Variants in RELCH observed in about 807,000 individuals in gnomAD.
RELCH encodes the protein RAB11-binding protein RELCH.
Under a neutral mutation model 150.3 loss-of-function variants are expected in RELCH, and 41 were observed. The ratio of observed to expected loss-of-function variants is 0.27; its 90% CI spans 0.21 to 0.35. The LOEUF is 0.35. RELCH is among the 10% of genes least tolerant of loss of function. The pLI, the probability that RELCH is intolerant of heterozygous loss-of-function variation, is 1.00. For synonymous variants in RELCH, 478 were observed against 531.8 expected, an observed-to-expected ratio of 0.90 and a Z score of 1.39; for missense variants, 1,092 against 1,467.8, an observed-to-expected ratio of 0.74 and a Z score of 4.18.
At chr18:62,217,704 G>C (rs1222672963) in intron 2 of RELCH, among the ~76,000 whole-genome samples, 2 of 152,008 alleles carry the variant, frequency 1.3e-5, no homozygotes, top group African/African-American at 4.8e-5. Context: ...CAGAGTACTT[G>C]TGAAACTTAA....
chr18:62,224,954 G>T (rs532561438), intron 5 of RELCH, among the ~76,000 whole-genome samples: 1 of 151,978 alleles, frequency 6.6e-6, no homozygotes, highest in Admixed American at 6.6e-5. Flanking sequence ...AAACTACCTG[G>T]CTTCAAGTCT....
chr18:62,283,326 G>A (rs1487458827), intron 25 of RELCH, among the ~76,000 whole-genome samples: 2 of 152,058 alleles, frequency 1.3e-5, no homozygotes, highest in Non-Finnish European at 2.9e-5. Flanking sequence ...AACATTTATG[G>A]CCACAATTTC....
At chr18:62,195,907 G>T (rs1372822900) in intron 1 of RELCH, among the ~76,000 whole-genome samples, 1 of 152,092 alleles carries the variant, frequency 6.6e-6, no homozygotes, top group Non-Finnish European at 1.5e-5. Context: ...CGTTGGCCAG[G>T]CTGGTCTCAA....
At chr18:62,264,291 A>G (rs747179220) in intron 17 of RELCH, 146 bp downstream of exon 17, 6 of 613,622 alleles carry the variant, frequency 9.8e-6, no homozygotes, top group Non-Finnish European at 1.7e-5. Context: ...GATTCACACC[A>G]TTGGATATGT....
chr18:62,190,518 A>C (rs2038550061), intron 1 of RELCH, among the ~76,000 whole-genome samples: 1 of 152,084 alleles, frequency 6.6e-6, no homozygotes, highest in South Asian at 2.1e-4. Context: ...CAGAGGTTAC[A>C]GTGAGCCGAG....
chr18:62,241,789 A>G (rs2042160297), intron 10 of RELCH, among the ~76,000 whole-genome samples: 1 of 152,200 alleles, frequency 6.6e-6, no homozygotes, highest in South Asian at 2.1e-4. Context: ...AATGGTAAAT[A>G]CAGACTTAGT....
chr18:62,206,310 T>G (rs1432245100), intron 1 of RELCH, among the ~76,000 whole-genome samples: 1 of 152,194 alleles, frequency 6.6e-6, no homozygotes, highest in Non-Finnish European at 1.5e-5. Context: ...ATAATTAAAC[T>G]GCAGGGAAAT....
chr18:62,275,318 A>G lies in RELCH; in HGVS notation c.2868-56A>G, dbSNP rs1398146334. ...TTATAAATATCGTGTTTTTCAGTTC[A>G]CTAGTAAGGGACTGTGGCTCTCAAT... is the stretch of plus-strand genomic sequence containing the variant. On this transcript the variant is annotated intron_variant, in intron 21 of 28. Transcript: ENST00000644646. 7.4e-6 allele frequency: 6 copies of G among 811,000 alleles called. No individual in the cohort carries two copies. The East Asian group carries it at 8.1e-5, about 11-fold the overall frequency. 50.2% of individuals were successfully genotyped at this position (811,000 alleles called of 1,614,324 possible). A position where few individuals can be genotyped will look rare whatever the true frequency, so the allele number is the denominator to read the frequency against.
Position 62,190,946 on chromosome 18 carries a change from G to A in RELCH, c.526+2915G>A, listed in dbSNP as rs139670434. Among the ~76,000 whole-genome samples the A allele has an allele frequency of 1.5e-3, 235 of 152,296 alleles. 1 individual carries two copies. Among genetic ancestry groups the A allele is most frequent in the African/African-American group, 5.4e-3 (223 of 41,550 alleles). Reference sequence around the variant, plus strand: ...CTACGTCTTTAGATAAGTTTTGCCTGTTCTAAAATTCGATATAAATAGAAT... The same window carrying A: ...CTACGTCTTTAGATAAGTTTTGCCTATTCTAAAATTCGATATAAATAGAAT... On this transcript the variant is annotated intron_variant, in intron 1 of 28. Coordinates refer to ENST00000644646, the MANE Select transcript of RELCH (RefSeq NM_001346231.2).
intron 16 of RELCH, among the ~76,000 whole-genome samples, 172 bp from the exon 17 acceptor site, chr18:62,263,817 C>T (rs2043401253): frequency 6.6e-6 from 1 of 151,914 alleles, no homozygotes; most frequent in African/African-American, 2.4e-5. Context: ...ACAGGAATTT[C>T]TTGATTTTCC....
At chr18:62,249,216 C>A (rs1042033398) in intron 11 of RELCH, among the ~76,000 whole-genome samples, 2 of 152,072 alleles carry the variant, frequency 1.3e-5, no homozygotes, top group African/African-American at 4.8e-5. Flanking sequence ...TAAGAATGAA[C>A]TATGAAAGAT....
chr18:62,280,282 C>G, intron 23 of RELCH: 1 of 1,164,472 alleles, frequency 8.6e-7, no homozygotes, highest in Non-Finnish European at 1.3e-6. Flanking sequence ...GTCTGCCTGC[C>G]CATCCTCAGT....
At position 62,214,065 on chromosome 18, in the gene RELCH, A is replaced by G. The variant is rs538212105; in HGVS notation, c.616+2823A>G. On this transcript the variant is annotated intron_variant, in intron 2 of 28. Transcript: ENST00000644646. The stretch of plus-strand genomic sequence containing the variant: ...AGACTATCATAAGACAGCAGACCTT[A>G]CATTTTTAACCTATAGAATATACTA... Among the ~76,000 whole-genome samples, 3 of 152,180 alleles carry G rather than the reference A, an allele frequency of 2.0e-5. No homozygotes were observed. The South Asian group carries it at 6.2e-4, about 32-fold the overall frequency.
At chr18:62,228,760 A>G (rs2041372238) in intron 8 of RELCH, among the ~76,000 whole-genome samples, 162 bp downstream of exon 8, 1 of 152,140 alleles carries the variant, frequency 6.6e-6, no homozygotes, top group Non-Finnish European at 1.5e-5. Flanking sequence ...TTGTCACAAA[A>G]AAGTCACAAA....
At chr18:62,260,384 A>T (rs985955707) in intron 15 of RELCH, among the ~76,000 whole-genome samples, 1 of 151,506 alleles carries the variant, frequency 6.6e-6, no homozygotes, top group Non-Finnish European at 1.5e-5. Flanking sequence ...ACAAAAAAAA[A>T]AAAAAAGATG....
chr18:62,301,292 T>A (rs1452191383), intron 28 of RELCH, among the ~76,000 whole-genome samples: 2 of 152,214 alleles, frequency 1.3e-5, no homozygotes, highest in Non-Finnish European at 2.9e-5. Context: ...TAAAGAATTC[T>A]GTGTGCCACA....
intron 1 of RELCH, among the ~76,000 whole-genome samples, chr18:62,203,996 T>A (rs961719311): frequency 1.8e-4 from 27 of 152,114 alleles, no homozygotes; most frequent in African/African-American, 6.5e-4. Flanking sequence ...CAGCAAGATA[T>A]AAGATTGTAT....
intron 1 of RELCH, among the ~76,000 whole-genome samples, chr18:62,210,873 T>A (rs1455740212): frequency 6.6e-6 from 1 of 152,120 alleles, no homozygotes; most frequent in African/African-American, 2.4e-5. Context: ...CAGCTCAAAC[T>A]TCTGTTTTGT....
Position 62,308,363 on chromosome 18 carries a change from A to G in RELCH, c.*2829A>G, listed in dbSNP as rs2045932662. ...TATTTTCTTAACTATTCTTTGTGTA[A>G]AGATTGTACTAATTTTTTCAGTTCA... is the stretch of plus-strand genomic sequence containing the variant. On this transcript the variant is annotated 3_prime_UTR_variant, in exon 29 of 29. Coordinates refer to ENST00000644646, the MANE Select transcript of RELCH (RefSeq NM_001346231.2). The G allele has an allele frequency of 6.6e-6, 1 of 152,182 alleles. No homozygotes were observed. Among genetic ancestry groups the G allele is most frequent in the Admixed American group, 6.5e-5 (1 of 15,278 alleles). The allele number at this position is 152,182 out of a possible 1,614,324, so 9.4% of individuals were successfully genotyped here. A position where few individuals can be genotyped will look rare whatever the true frequency, so the allele number is the denominator to read the frequency against.
Sources: allele counts gnomAD v4.1 joint callset (sites outside exome capture counted in the v4.1 genomes callset), GRCh38; gene constraint gnomAD v4.1.1; transcripts MANE v1.5; gene names NCBI Gene and HGNC (gene_info 2026-07-23, HGNC 2026-07-21).